The following LRRC7 variants were observed in gnomAD, a reference collection of about 807,000 sequenced individuals.
LRRC7 encodes leucine rich repeat containing 7.
Under a neutral mutation model 175.7 loss-of-function variants are expected in LRRC7, and 23 were observed. The ratio of observed to expected loss-of-function variants is 0.13; its 90% CI spans 0.09 to 0.19. LRRC7 has a LOEUF of 0.19. Ranked by LOEUF, LRRC7 falls within the 10% of genes least tolerant of loss-of-function variation. The pLI, the probability that LRRC7 is intolerant of heterozygous loss-of-function variation, is 1.00. For missense variants in LRRC7, 1,354 were observed against 1,904.7 expected (o/e 0.71, Z 5.38); for synonymous variants, 685 against 680.9 (o/e 1.01, Z -0.09).
chr1:70,068,599 CTTTA>C (rs934451273), intron 23 of LRRC7, among the ~76,000 whole-genome samples: 37 of 151,772 alleles, frequency 2.4e-4, no homozygotes, highest in African/African-American at 8.2e-4. Context: ...TTCTTTCTTC[CTTTA>C]TTTGTTTGTT....
chr1:69,883,671 A>T (rs1686871512), intron 7 of LRRC7, among the ~76,000 whole-genome samples: 1 of 98,212 alleles, frequency 1.0e-5, no homozygotes, highest in Non-Finnish European at 2.2e-5. Context: ...TTGGTGTTTT[A>T]GACATGAAGT....
chr1:69,717,790 GAAAGA>G (rs1557640535), intron 2 of LRRC7, among the ~76,000 whole-genome samples: 21 of 19,828 alleles, frequency 1.1e-3, no homozygotes, highest in South Asian at 4.1e-3. Context: ...AAGAAAGAAA[GAAAGA>G]AAGAAAGAAA....
chr1:69,860,637 G>A (rs1353906740), intron 7 of LRRC7, among the ~76,000 whole-genome samples: 10 of 29,552 alleles, frequency 3.4e-4, no homozygotes, highest in African/African-American at 7.6e-4. Context: ...AGGTTTTTTT[G>A]TTCTAGAAAA....
At chr1:69,903,069 A>C (rs1043913437) in intron 7 of LRRC7, among the ~76,000 whole-genome samples, 3 of 152,220 alleles carry the variant, frequency 2.0e-5, no homozygotes, top group Admixed American at 6.5e-5. Context: ...TTTTAGCATG[A>C]TAATCTTTAT....
At chr1:69,978,899 TG>T (rs1319322391) in intron 8 of LRRC7, among the ~76,000 whole-genome samples, 2 of 151,448 alleles carry the variant, frequency 1.3e-5, no homozygotes, top group Non-Finnish European at 2.9e-5. Context: ...TTTTGTATTT[TG>T]TTGTTTCAGT....
rs556203010 is a variant in LRRC7 at position 69,712,489 on chromosome 1, A to T, written c.100+34011A>T. The stretch of plus-strand genomic sequence containing the variant: ...CTTGGTGGTGGGCGCCTGTAATCCA[A>T]GCTATTCAGGAGGCAGAGGCAGGGA... On this transcript the variant is annotated intron_variant, in intron 2 of 26. Transcript: ENST00000651989. 2.6e-5 allele frequency among the ~76,000 whole-genome samples: 4 copies of T among 152,212 alleles called. No individual in the cohort carries two copies. In the East Asian group the frequency reaches 7.8e-4, roughly 29 times the overall value.
intron 19 of LRRC7, 98 bp downstream of exon 19, chr1:70,036,330 T>A (rs1659307775): frequency 2.2e-6 from 3 of 1,388,912 alleles, no homozygotes; most frequent in Non-Finnish European, 3.0e-6. Context: ...TATACAAATG[T>A]TTTACAAATA....
chr1:69,716,702 G>A (rs1665388874), intron 2 of LRRC7, among the ~76,000 whole-genome samples: 1 of 151,758 alleles, frequency 6.6e-6, no homozygotes, highest in Admixed American at 6.6e-5. Flanking sequence ...TGAAATCCAG[G>A]CACAAAGCGG....
chr1:69,870,506 G>A (rs1487071838), intron 7 of LRRC7, among the ~76,000 whole-genome samples: 2 of 151,898 alleles, frequency 1.3e-5, no homozygotes, highest in East Asian at 3.9e-4. Flanking sequence ...AGGTGTATAG[G>A]GACAAAAGGC....
At chr1:70,030,620 A>G (rs1187204596) in intron 18 of LRRC7, among the ~76,000 whole-genome samples, 1 of 152,192 alleles carries the variant, frequency 6.6e-6, no homozygotes, top group Non-Finnish European at 1.5e-5. Flanking sequence ...CATTTTTTGA[A>G]TCATTGTTAT....
At chr1:69,803,106 C>T (rs942604772) in intron 4 of LRRC7, among the ~76,000 whole-genome samples, 2 of 151,384 alleles carry the variant, frequency 1.3e-5, no homozygotes, top group African/African-American at 4.8e-5. Flanking sequence ...TCATCCTGCT[C>T]CATTGCCTTA....
chr1:69,924,991 T>G lies in LRRC7; in HGVS notation c.648-6516T>G, dbSNP rs1386743789. On this transcript the variant is annotated intron_variant, in intron 7 of 26. Coordinates refer to ENST00000651989, the MANE Select transcript of LRRC7 (RefSeq NM_001370785.2). ...TACATCCCATCAATACCTAATTTAT[T>G]GAGAGTTTTTAGCATGAAGGGTTGT... 5.3e-5 allele frequency among the ~76,000 whole-genome samples: 8 copies of G among 152,300 alleles called. No individual in the cohort carries two copies. In the East Asian group the frequency reaches 1.5e-3, roughly 29 times the overall value.
At chr1:69,598,667 A>C (rs757864572) in intron 1 of LRRC7, among the ~76,000 whole-genome samples, 1 of 152,202 alleles carries the variant, frequency 6.6e-6, no homozygotes, top group Non-Finnish European at 1.5e-5. Flanking sequence ...TCACAGAATA[A>C]TGTTTGACCA....
intron 21 of LRRC7, among the ~76,000 whole-genome samples, chr1:70,040,300 C>T (rs1022578346): frequency 6.6e-6 from 1 of 152,016 alleles, no homozygotes; most frequent in African/African-American, 2.4e-5. Context: ...ATAATTTTCC[C>T]AACAAGAAAC....
intron 3 of LRRC7, among the ~76,000 whole-genome samples, chr1:69,767,061 C>A (rs1213194403): frequency 6.6e-6 from 1 of 151,652 alleles, no homozygotes; most frequent in Non-Finnish European, 1.5e-5. Flanking sequence ...TCTCCTCGCC[C>A]CTGGCAACTT....
At chr1:70,067,574 C>G (rs1397278206) in intron 23 of LRRC7, among the ~76,000 whole-genome samples, 1 of 152,128 alleles carries the variant, frequency 6.6e-6, no homozygotes, top group African/African-American at 2.4e-5. Context: ...ATTCCTCTCA[C>G]TCTATACTTC....
rs146139003 is a variant in LRRC7 at position 69,876,552 on chromosome 1, G to A, written c.647+38269G>A. 4.0e-3 allele frequency among the ~76,000 whole-genome samples: 615 copies of A among 152,196 alleles called. 5 individuals are homozygous for A. The highest frequency in any genetic ancestry group is 0.013 in the African/African-American group (532 of 41,554). ...AACAGCATGAGAATGTGGAAACTAC[G>A]TCTTGCTCAAATCTCAATGAGGTAA... On this transcript the variant is annotated intron_variant, in intron 7 of 26. Transcript: ENST00000651989.
At chr1:69,722,153 ATT>A (rs36005991) in intron 2 of LRRC7, among the ~76,000 whole-genome samples, 1 of 144,424 alleles carries the variant, frequency 6.9e-6, no homozygotes, top group Non-Finnish European at 1.5e-5. Flanking sequence ...ATATATATAT[ATT>A]TTCTCCTTTT....
intron 7 of LRRC7, among the ~76,000 whole-genome samples, chr1:69,861,365 T>C (rs1276714776): frequency 1.3e-5 from 2 of 152,192 alleles, no homozygotes; most frequent in African/African-American, 4.8e-5. Flanking sequence ...CACAACTTAA[T>C]ATGACCTTGT....
Sources: gnomAD v4.1 joint callset for allele counts (sites outside exome capture counted in the v4.1 genomes callset) on GRCh38, gnomAD v4.1.1 for gene constraint, MANE v1.5 for transcripts, NCBI Gene and HGNC (gene_info 2026-07-23, HGNC 2026-07-21) for gene names.